NTM: variants seen among roughly 807,000 people sequenced by gnomAD.
NTM encodes the protein IgLON family member 2.
Under a neutral mutation model 42.1 loss-of-function variants are expected in NTM, and 13 were observed. The observed-to-expected ratio is 0.31, with a 90% CI of 0.20 to 0.49. The LOEUF (loss-of-function observed/expected upper bound fraction) is 0.49, where lower values mean the gene tolerates loss of function less well. Among genes scored for constraint, NTM ranks in the 20% least tolerant of loss-of-function variants. The pLI, the probability that NTM is intolerant of heterozygous loss-of-function variation, is 0.99. For missense variants in NTM, 373 were observed against 452.8 expected, an observed-to-expected ratio of 0.82 and a Z score of 1.60; for synonymous variants, 187 against 179.2, an observed-to-expected ratio of 1.04 and a Z score of -0.35.
chr11:131,476,170 C>T (rs1952919108), intron 1 of NTM, among the ~76,000 whole-genome samples: 1 of 152,190 alleles, frequency 6.6e-6, no homozygotes, highest in Non-Finnish European at 1.5e-5. Context: ...GCTTTTCACC[C>T]ATTTTATGTT....
intron 2 of NTM, among the ~76,000 whole-genome samples, chr11:132,013,914 G>A (rs1469482179): frequency 6.6e-6 from 1 of 152,022 alleles, no homozygotes; most frequent in Non-Finnish European, 1.5e-5. Flanking sequence ...TAGCCATTTC[G>A]AAATGTACAG....
rs537186849 is a variant in NTM at position 131,397,465 on chromosome 11, A to G, written c.82+26577A>G. Among the ~76,000 whole-genome samples, 8 of 152,328 alleles carry G rather than the reference A, an allele frequency of 5.3e-5. No homozygotes were observed. In the South Asian group the frequency reaches 1.5e-3, roughly 28 times the overall value. Reference sequence around the variant, plus strand: ...GATGTATTTTGTAGTTTTCAAGGTCATGAGTCAAGCCTAGCTCTCCTGAAT... The same window carrying G: ...GATGTATTTTGTAGTTTTCAAGGTCGTGAGTCAAGCCTAGCTCTCCTGAAT... On this transcript the variant is annotated intron_variant, in intron 1 of 8. Coordinates refer to ENST00000683400, the MANE Select transcript of NTM (RefSeq NM_001352005.2).
chr11:131,968,269 A>G (rs528278), intron 2 of NTM, among the ~76,000 whole-genome samples: 52,234 of 151,916 alleles, frequency 0.34, 9,523 homozygotes, highest in East Asian at 0.73. Context: ...AATCAAACCA[A>G]TTTGTGAGCG....
chr11:131,483,702 G>C (rs1338238447), intron 1 of NTM, among the ~76,000 whole-genome samples: 1 of 152,214 alleles, frequency 6.6e-6, no homozygotes, highest in Non-Finnish European at 1.5e-5. Flanking sequence ...AAGAGCCGCT[G>C]TCCCTCCGCT....
At chr11:131,627,158 C>T (rs2063187188) in intron 1 of NTM, among the ~76,000 whole-genome samples, 2 of 152,110 alleles carry the variant, frequency 1.3e-5, no homozygotes, top group South Asian at 4.2e-4. Flanking sequence ...CCCTGGCTCT[C>T]CCAGGTGTTT....
At chr11:131,497,986 G>C (rs1317402460) in intron 1 of NTM, among the ~76,000 whole-genome samples, 3 of 152,202 alleles carry the variant, frequency 2.0e-5, no homozygotes, top group Non-Finnish European at 4.4e-5. Flanking sequence ...CTAGCCAACA[G>C]AGGAAAGACT....
At chr11:131,701,068 A>G (rs1345121791) in intron 1 of NTM, among the ~76,000 whole-genome samples, 2 of 152,256 alleles carry the variant, frequency 1.3e-5, no homozygotes, top group Admixed American at 6.5e-5. Flanking sequence ...AAAAAGTAAT[A>G]AAATATTTCT....
intron 1 of NTM, among the ~76,000 whole-genome samples, chr11:131,479,833 C>T (rs1953364030): frequency 6.6e-6 from 1 of 152,030 alleles, no homozygotes; most frequent in South Asian, 2.1e-4. Context: ...CACTCAGCTG[C>T]ATGCTGAATT....
intron 1 of NTM, among the ~76,000 whole-genome samples, chr11:131,578,790 A>G (rs2058148356): frequency 6.6e-6 from 1 of 152,094 alleles, no homozygotes; most frequent in East Asian, 1.9e-4. Flanking sequence ...TGTAGTATTT[A>G]TTATTTTGAC....
At chr11:132,279,628 T>C (rs951107634) in intron 4 of NTM, among the ~76,000 whole-genome samples, 26 of 152,240 alleles carry the variant, frequency 1.7e-4, no homozygotes, top group African/African-American at 6.3e-4. Context: ...CTGCCTGGAA[T>C]CCTTTCCGCC....
intron 1 of NTM, among the ~76,000 whole-genome samples, chr11:131,442,162 C>T (rs934594301): frequency 5.3e-5 from 8 of 152,104 alleles, no homozygotes; most frequent in Admixed American, 2.0e-4. Context: ...GGTGCAGAAG[C>T]GGAGATGATG....
chr11:131,579,888 T>G (rs1323955581), intron 1 of NTM, among the ~76,000 whole-genome samples: 1 of 152,210 alleles, frequency 6.6e-6, no homozygotes, highest in Non-Finnish European at 1.5e-5. Flanking sequence ...TATGAGACAG[T>G]TGAGTGAGCC....
intron 1 of NTM, among the ~76,000 whole-genome samples, chr11:131,404,055 G>A (rs1473664759): frequency 1.3e-5 from 2 of 151,728 alleles, no homozygotes; most frequent in Admixed American, 1.3e-4. Flanking sequence ...ATTTAAAATG[G>A]CAACTGCAAC....
chr11:131,601,148 C>T (rs141503130), intron 1 of NTM, among the ~76,000 whole-genome samples: 5 of 152,294 alleles, frequency 3.3e-5, no homozygotes, highest in African/African-American at 7.2e-5. Flanking sequence ...GGGTGGGCCA[C>T]GCCCTTTCAA....
chr11:132,147,564 T>G (rs2137358707), intron 3 of NTM, among the ~76,000 whole-genome samples: 1 of 152,258 alleles, frequency 6.6e-6, no homozygotes, highest in South Asian at 2.1e-4. Flanking sequence ...TCTTTTCTCT[T>G]TTTTAGGACT....
intron 3 of NTM, among the ~76,000 whole-genome samples, chr11:132,197,433 A>G (rs1013188003): frequency 6.6e-6 from 1 of 151,580 alleles, no homozygotes; most frequent in Non-Finnish European, 1.5e-5. Context: ...AATCTAAATT[A>G]CCATTTGTCA....
chr11:132,112,584 T>C lies in NTM; in HGVS notation c.168-33698T>C, dbSNP rs945547914. 5.3e-5 allele frequency among the ~76,000 whole-genome samples: 8 copies of C among 152,176 alleles called. No individual in the cohort carries two copies. In the East Asian group the frequency reaches 1.6e-3, roughly 30 times the overall value. On this transcript the variant is annotated intron_variant, in intron 2 of 8. Transcript: ENST00000683400. ...CAAGTACTATGTAGGCAACACTGAATGCAGCCAAGAGGCGGCCTTCCACTA... is the reference window on the plus strand; with the variant it reads ...CAAGTACTATGTAGGCAACACTGAACGCAGCCAAGAGGCGGCCTTCCACTA...
chr11:132,005,801 G>A (rs941291353), intron 2 of NTM, among the ~76,000 whole-genome samples: 1 of 152,052 alleles, frequency 6.6e-6, no homozygotes, highest in Non-Finnish European at 1.5e-5. Context: ...AGTTTCCTTA[G>A]CATACATTAT....
At chr11:131,894,476 C>T (rs1001118122) in intron 1 of NTM, among the ~76,000 whole-genome samples, 6 of 152,206 alleles carry the variant, frequency 3.9e-5, no homozygotes, top group African/African-American at 9.6e-5. Context: ...AAAAGCAGTA[C>T]TGAGCCTCTG....
Sources: gnomAD v4.1 joint callset for allele counts (sites outside exome capture counted in the v4.1 genomes callset) on GRCh38, gnomAD v4.1.1 for gene constraint, MANE v1.5 for transcripts, NCBI Gene and HGNC (gene_info 2026-07-23, HGNC 2026-07-21) for gene names.